Variants in JMY observed in about 807,000 individuals in gnomAD.
JMY encodes the protein junction-mediating and -regulatory protein.
In JMY, 46 loss-of-function variants were observed where a neutral mutation model predicts 103.3. The ratio of observed to expected loss-of-function variants is 0.45; its 90% CI spans 0.35 to 0.57. The LOEUF (loss-of-function observed/expected upper bound fraction) is 0.57, where lower values mean the gene tolerates loss of function less well. Ranked by LOEUF, JMY falls within the 20% of genes least tolerant of loss-of-function variation. JMY has a pLI of 0.00. For missense variants in JMY, 1,238 were observed against 1,255.2 expected, an observed-to-expected ratio of 0.99 and a Z score of 0.21; for synonymous variants, 526 against 489.3, an observed-to-expected ratio of 1.07 and a Z score of -0.99.
At chr5:79,296,419 A>G (rs1325974347) in intron 4 of JMY, among the ~76,000 whole-genome samples, 6 of 152,252 alleles carry the variant, frequency 3.9e-5, no homozygotes, top group East Asian at 1.9e-4. Flanking sequence ...TTTCTACATA[A>G]TAGGGCTAGT....
chr5:79,268,527 G>T (rs866925042), intron 1 of JMY, among the ~76,000 whole-genome samples: 18 of 151,580 alleles, frequency 1.2e-4, no homozygotes, highest in Admixed American at 6.6e-5. Context: ...TCGCTCTGTC[G>T]CCCAGGCTGG....
intron 7 of JMY, among the ~76,000 whole-genome samples, chr5:79,310,049 T>C (rs753968928): frequency 6.9e-6 from 1 of 145,552 alleles, no homozygotes; most frequent in Middle Eastern, 3.2e-3. Context: ...TCGATTATCT[T>C]TCTTTTCCTT....
chr5:79,249,863 T>C (rs1389663524), intron 1 of JMY, among the ~76,000 whole-genome samples: 4 of 152,184 alleles, frequency 2.6e-5, no homozygotes, highest in Non-Finnish European at 5.9e-5. Context: ...TTCCAGAGTT[T>C]GAGTTAGGCT....
intron 2 of JMY, among the ~76,000 whole-genome samples, chr5:79,280,414 C>G (rs1465071341): frequency 6.6e-6 from 1 of 152,186 alleles, no homozygotes; most frequent in Non-Finnish European, 1.5e-5. Context: ...CACTTAACTG[C>G]TACATTTTTC....
chr5:79,249,892 C>G (rs919456964), intron 1 of JMY, among the ~76,000 whole-genome samples: 1 of 152,152 alleles, frequency 6.6e-6, no homozygotes, highest in Non-Finnish European at 1.5e-5. Context: ...TCATACCTCA[C>G]TTCTACTTTC....
At chr5:79,261,623 C>G (rs1043174042) in intron 1 of JMY, among the ~76,000 whole-genome samples, 24 of 152,278 alleles carry the variant, frequency 1.6e-4, no homozygotes, top group Non-Finnish European at 3.2e-4. Flanking sequence ...CCTAACCCCC[C>G]TTACATGAAA....
chr5:79,309,390 C>T (rs577172824), intron 7 of JMY, among the ~76,000 whole-genome samples: 2 of 152,212 alleles, frequency 1.3e-5, no homozygotes, highest in South Asian at 2.1e-4. Flanking sequence ...AATATTAGTT[C>T]ACTTTATATA....
At chr5:79,249,311 CGTGCCTGCCCTT>C (rs1561288877) in intron 1 of JMY, among the ~76,000 whole-genome samples, 1 of 151,212 alleles carries the variant, frequency 6.6e-6, no homozygotes, top group African/African-American at 2.4e-5. Context: ...TGTGAGCCAC[CGTGCCTGCCCTT>C]GTGAATTAAT....
chr5:79,314,498 C>T lies in JMY; in HGVS notation c.2306C>T (p.Thr769Ile). 4 of 1,614,122 alleles carry T rather than the reference C, an allele frequency of 2.5e-6. No homozygotes were observed. Among genetic ancestry groups the T allele is most frequent in the Non-Finnish European group, 3.4e-6 (4 of 1,180,014 alleles). The change falls in exon 9 of 11, where the codon ACC (threonine) becomes ATC (isoleucine). Residue 769 changes from threonine (T) to isoleucine (I), a missense_variant. By Grantham distance (89) the Thr-to-Ile change is moderately conservative (BLOSUM62 -1). Transcript: ENST00000396137. ...EDTSLTQLEA[T>I]SLPLSGVTSE... ...ACTTCATTAACACAACTTGAAGCCA[C>T]CTCATTACCTCTCAGTGGTGTTACC...
At chr5:79,306,334 C>A (rs1237376021) in intron 6 of JMY, 41 bp from the exon 7 acceptor site, 2 of 1,419,364 alleles carry the variant, frequency 1.4e-6, no homozygotes, top group South Asian at 1.2e-5. Context: ...CAGAGTCTTT[C>A]AAGTTTCACT....
rs1747661573 is a variant in JMY, at chr5:79,326,790, A to G, written c.*5188A>G. On this transcript the variant is annotated 3_prime_UTR_variant, in exon 11 of 11. Transcript: ENST00000396137. ...TAAAAGGTAGAAGCAAAACACTAGC[A>G]CATTGTGCTTTGCTTGGCTTGTAAG... The G allele has an allele frequency of 6.6e-6, 1 of 152,242 alleles. No homozygotes were observed. The highest frequency in any genetic ancestry group is 2.1e-4 in the South Asian group (1 of 4,832). The allele number at this position is 152,242 out of a possible 1,614,324, so 9.4% of individuals were successfully genotyped here. A position where few individuals can be genotyped will look rare whatever the true frequency, so the allele number is the denominator to read the frequency against.
intron 1 of JMY, among the ~76,000 whole-genome samples, chr5:79,240,106 C>T (rs1218993543): frequency 6.6e-6 from 1 of 151,790 alleles, no homozygotes; most frequent in African/African-American, 2.4e-5. Flanking sequence ...ACCTCTGCCT[C>T]CCGGGTTCCA....
At chr5:79,303,811 G>A (rs1427880896) in intron 6 of JMY, among the ~76,000 whole-genome samples, 1 of 152,082 alleles carries the variant, frequency 6.6e-6, no homozygotes. Flanking sequence ...GACTATTGGG[G>A]CCTTATGTTC....
intron 7 of JMY, among the ~76,000 whole-genome samples, chr5:79,308,642 G>A (rs1348477624): frequency 6.6e-6 from 1 of 152,068 alleles, no homozygotes; most frequent in East Asian, 1.9e-4. Flanking sequence ...TTTTGATTGG[G>A]ACAGTGTTGA....
intron 1 of JMY, among the ~76,000 whole-genome samples, chr5:79,239,857 C>T (rs2112039286): frequency 6.6e-6 from 1 of 151,462 alleles, no homozygotes. Context: ...GCGACTATCT[C>T]CGGTTTTTTA....
chr5:79,290,582 G>A (rs1455461852), intron 3 of JMY, among the ~76,000 whole-genome samples: 1 of 152,294 alleles, frequency 6.6e-6, no homozygotes, highest in South Asian at 2.1e-4. Context: ...CCGGACATGT[G>A]AGAGTATTTT....
chr5:79,303,305 A>G (rs1746791524), intron 6 of JMY, among the ~76,000 whole-genome samples: 1 of 152,088 alleles, frequency 6.6e-6, no homozygotes, highest in Non-Finnish European at 1.5e-5. Flanking sequence ...CCTGAGCTCA[A>G]GCAATCCTCA....
intron 7 of JMY, among the ~76,000 whole-genome samples, chr5:79,311,932 T>C (rs1747059458): frequency 6.6e-6 from 1 of 152,140 alleles, no homozygotes; most frequent in Non-Finnish European, 1.5e-5. Flanking sequence ...TTCTCCTGCC[T>C]CAGCCTCCCA....
chr5:79,244,260 C>T (rs1225813393), intron 1 of JMY, among the ~76,000 whole-genome samples: 1 of 152,172 alleles, frequency 6.6e-6, no homozygotes, highest in Non-Finnish European at 1.5e-5. Flanking sequence ...TTCGGCCTCC[C>T]ACAGTGCTGG....
Sources: gnomAD v4.1 joint callset for allele counts (sites outside exome capture counted in the v4.1 genomes callset) on GRCh38, gnomAD v4.1.1 for gene constraint, MANE v1.5 for transcripts, NCBI Gene and HGNC (gene_info 2026-07-23, HGNC 2026-07-21) for gene names.